The following TFEC variants were observed in gnomAD, a reference collection of about 807,000 sequenced individuals.
TFEC encodes the protein class E basic helix-loop-helix protein 34.
In TFEC, 31 loss-of-function variants were observed where a neutral mutation model predicts 41.6. That is an observed-to-expected ratio of 0.74 (90% CI 0.56 to 1.01). The LOEUF (loss-of-function observed/expected upper bound fraction) is 1.01, where lower values mean the gene tolerates loss of function less well. Ranked by LOEUF, TFEC falls within the 50% of genes least tolerant of loss-of-function variation. TFEC has a pLI of 0.00. For synonymous variants in TFEC, 143 were observed against 140.6 expected (o/e 1.02, Z -0.12); for missense variants, 402 against 404.1 (o/e 0.99, Z 0.04).
intron 3 of TFEC, among the ~76,000 whole-genome samples, chr7:116,109,093 A>C (rs1177860687): frequency 2.0e-5 from 3 of 151,750 alleles, no homozygotes; most frequent in Non-Finnish European, 4.4e-5. Context: ...TAAAGACTTA[A>C]ATGTTAGACC....
intron 1 of TFEC, among the ~76,000 whole-genome samples, chr7:116,129,675 CT>C (rs1195020076): frequency 6.7e-6 from 1 of 149,382 alleles, no homozygotes; most frequent in Non-Finnish European, 1.5e-5. Flanking sequence ...TCACTGCAAC[CT>C]CTGCCTCCCA....
intron 4 of TFEC, 56 bp downstream of exon 4, chr7:115,956,623 C>T (rs1792247521): frequency 1.5e-6 from 2 of 1,291,538 alleles, no homozygotes; most frequent in Non-Finnish European, 2.2e-6. Context: ...ATATGTCACT[C>T]ATAACTTATG....
chr7:116,065,386 G>A (rs917935633), intron 3 of TFEC, among the ~76,000 whole-genome samples: 8 of 152,040 alleles, frequency 5.3e-5, no homozygotes, highest in Non-Finnish European at 8.8e-5. Flanking sequence ...CATTATGAAT[G>A]GTGCTTACAT....
intron 2 of TFEC, among the ~76,000 whole-genome samples, chr7:115,983,896 T>C (rs552157711): frequency 1.3e-5 from 2 of 152,264 alleles, no homozygotes; most frequent in South Asian, 2.1e-4. Flanking sequence ...ATTTAAGTAA[T>C]TTCTGTCTGT....
chr7:115,991,083 C>A (rs1447795568), intron 1 of TFEC, among the ~76,000 whole-genome samples: 1 of 152,124 alleles, frequency 6.6e-6, no homozygotes, highest in African/African-American at 2.4e-5. Flanking sequence ...ACTCAAAATT[C>A]ATAAAGAAAA....
At chr7:115,993,346 G>T (rs1019164720) in intron 1 of TFEC, among the ~76,000 whole-genome samples, 2 of 152,174 alleles carry the variant, frequency 1.3e-5, no homozygotes, top group African/African-American at 4.8e-5. Flanking sequence ...AGTGTTGGAA[G>T]TTCTGGCCAG....
chr7:116,083,062 A>T (rs1797126241), intron 3 of TFEC, among the ~76,000 whole-genome samples: 1 of 151,946 alleles, frequency 6.6e-6, no homozygotes, highest in Non-Finnish European at 1.5e-5. Context: ...TAAGACTTTT[A>T]GTAAAATTCT....
At position 116,156,009 on chromosome 7, in the gene TFEC, T is replaced by C. The variant is rs550945033; in HGVS notation, c.-69+3781A>G. Among the ~76,000 whole-genome samples, 102 of 152,356 alleles carry C rather than the reference T, an allele frequency of 6.7e-4. 2 individuals are homozygous for C. The highest frequency in any genetic ancestry group is 6.7e-3 in the Admixed American group (102 of 15,310). On this transcript the variant is annotated intron_variant, in intron 1 of 8. Coordinates refer to the TFEC transcript ENST00000484212. ...TTAATATATTATTTATCTTGATTTC[T>C]GAGTTTTTTGTTTTTGTTTTTTGTA...
In TFEC at chr7:115,960,071, T is replaced by C. The variant is rs1359592445; in HGVS notation, c.268-3278A>G. 2.0e-5 allele frequency among the ~76,000 whole-genome samples: 3 copies of C among 151,308 alleles called. No individual in the cohort carries two copies. The East Asian group carries it at 5.9e-4, about 30-fold the overall frequency. On this transcript the variant is annotated intron_variant, in intron 3 of 7. Transcript: ENST00000265440. Reference sequence around the variant, plus strand: ...TTTATAGAATGCCTAATAAGAATGATAGAAAAGACCTGCATTCAGATATAT... The same window carrying C: ...TTTATAGAATGCCTAATAAGAATGACAGAAAAGACCTGCATTCAGATATAT...
At chr7:116,039,990 A>G (rs1023950309) in intron 3 of TFEC, among the ~76,000 whole-genome samples, 9 of 152,122 alleles carry the variant, frequency 5.9e-5, no homozygotes, top group Non-Finnish European at 1.0e-4. Context: ...AAGACAGGAT[A>G]TACTTTGCAA....
chr7:115,958,798 AT>A lies in TFEC; in HGVS notation c.268-2006del, dbSNP rs140492704. Among the ~76,000 whole-genome samples, 528 of 151,920 alleles carry A rather than the reference AT, an allele frequency of 3.5e-3. 1 individual carries two copies. Among genetic ancestry groups the A allele is most frequent in the African/African-American group, 0.012 (513 of 41,514 alleles). ...AGCACAATAATTAATATCCTATTTA[AT>A]TTTATGCTATAGGTACTTCTCTATT... is the stretch of plus-strand genomic sequence containing the variant. On this transcript the variant is annotated intron_variant, in intron 3 of 7. Transcript: ENST00000265440.
intron 3 of TFEC, among the ~76,000 whole-genome samples, chr7:116,073,848 A>T (rs2131031645): frequency 6.6e-6 from 1 of 152,142 alleles, no homozygotes; most frequent in Admixed American, 6.6e-5. Flanking sequence ...TCAATAGAAT[A>T]AAATTGAGAG....
intron 3 of TFEC, among the ~76,000 whole-genome samples, chr7:116,107,151 T>G (rs17138298): frequency 0.34 from 52,387 of 152,016 alleles, 9,306 homozygotes; most frequent in East Asian, 0.59. Context: ...AAGACAAGAA[T>G]AGCAGAGGCA....
chr7:115,951,739 A>T (rs1452036820), intron 5 of TFEC, among the ~76,000 whole-genome samples: 1 of 151,988 alleles, frequency 6.6e-6, no homozygotes, highest in Non-Finnish European at 1.5e-5. Flanking sequence ...ATGCTTTGAA[A>T]ACTGCTGATA....
At chr7:115,998,143 T>C (rs1008138722) in intron 1 of TFEC, among the ~76,000 whole-genome samples, 2 of 152,064 alleles carry the variant, frequency 1.3e-5, no homozygotes, top group Non-Finnish European at 2.9e-5. Context: ...CAAAGAAGGC[T>C]ACCTTAAGAC....
chr7:116,075,554 G>A (rs1562960652), intron 3 of TFEC, among the ~76,000 whole-genome samples: 1 of 152,152 alleles, frequency 6.6e-6, no homozygotes. Flanking sequence ...CAGTGGGAGT[G>A]AGACCAGCCT....
chr7:115,998,176 G>A (rs1022578681), intron 1 of TFEC, among the ~76,000 whole-genome samples: 3 of 151,754 alleles, frequency 2.0e-5, no homozygotes, highest in Non-Finnish European at 4.4e-5. Context: ...AACACCAAAG[G>A]TCAAGAATAA....
chr7:115,998,689 A>G (rs1181963949), intron 1 of TFEC, among the ~76,000 whole-genome samples: 3 of 151,988 alleles, frequency 2.0e-5, no homozygotes, highest in Non-Finnish European at 4.4e-5. Context: ...TATACTAATA[A>G]TAGATAAAGT....
chr7:116,005,964 C>T (rs1794772741), intron 1 of TFEC, among the ~76,000 whole-genome samples: 1 of 152,236 alleles, frequency 6.6e-6, no homozygotes, highest in Admixed American at 6.5e-5. Flanking sequence ...GCGGAAGCCC[C>T]AAGCCTTGGC....
Sources: allele counts gnomAD v4.1 joint callset (sites outside exome capture counted in the v4.1 genomes callset), GRCh38; gene constraint gnomAD v4.1.1; transcripts MANE v1.5; gene names NCBI Gene and HGNC (gene_info 2026-07-23, HGNC 2026-07-21).